Variants in DCLK1 observed in about 807,000 individuals in gnomAD.
DCLK1 encodes doublecortin like kinase 1.
In DCLK1, 16 loss-of-function variants were observed where a neutral mutation model predicts 86.2. The ratio of observed to expected loss-of-function variants is 0.19; its 90% CI spans 0.13 to 0.28. DCLK1 has a LOEUF of 0.28. Ranked by LOEUF, DCLK1 falls within the 10% of genes least tolerant of loss-of-function variation. DCLK1 has a pLI of 1.00. For synonymous variants in DCLK1, 369 were observed against 370.5 expected, an observed-to-expected ratio of 1.00 and a Z score of 0.05; for missense variants, 590 against 940.2, an observed-to-expected ratio of 0.63 and a Z score of 4.87.
At position 35,901,560 on chromosome 13, in the gene DCLK1, G is replaced by A. The variant is rs138248545; in HGVS notation, c.824-30220C>T. Among the ~76,000 whole-genome samples the A allele has an allele frequency of 7.1e-4, 108 of 151,276 alleles. 2 individuals are homozygous for A. The East Asian group carries it at 0.019, about 27-fold the overall frequency. ...TGGAGGTGGGGTGGCCTTGCGGGGA[G>A]GAAATAGGGTAGAACTTTAGAAGAC... On this transcript the variant is annotated intron_variant, in intron 4 of 16. Transcript: ENST00000360631.
chr13:35,932,359 C>A (rs1876496934), intron 4 of DCLK1, among the ~76,000 whole-genome samples: 1 of 152,150 alleles, frequency 6.6e-6, no homozygotes, highest in Non-Finnish European at 1.5e-5. Context: ...GGTTGTGGGA[C>A]TTCTCAGCCT....
At chr13:36,042,842 C>G (rs1882742370) in intron 3 of DCLK1, among the ~76,000 whole-genome samples, 1 of 152,148 alleles carries the variant, frequency 6.6e-6, no homozygotes, top group Admixed American at 6.6e-5. Flanking sequence ...TGTTCTGTTC[C>G]ATTTTAATAA....
chr13:35,896,337 G>A (rs972631177), intron 4 of DCLK1, among the ~76,000 whole-genome samples: 3 of 151,870 alleles, frequency 2.0e-5, no homozygotes, highest in Admixed American at 6.6e-5. Context: ...TCAGGAGTTC[G>A]AGACCAGCCT....
chr13:35,985,456 G>A (rs1416396769), intron 3 of DCLK1, among the ~76,000 whole-genome samples: 1 of 152,178 alleles, frequency 6.6e-6, no homozygotes, highest in Admixed American at 6.5e-5. Flanking sequence ...AATGATCAAT[G>A]AAATGCAATT....
intron 3 of DCLK1, among the ~76,000 whole-genome samples, chr13:36,106,996 T>A (rs1885419418): frequency 6.6e-6 from 1 of 152,160 alleles, no homozygotes; most frequent in African/African-American, 2.4e-5. Flanking sequence ...ATTAATAGAT[T>A]CCTATTAATC....
At chr13:35,988,741 G>C (rs183983447) in intron 3 of DCLK1, among the ~76,000 whole-genome samples, 60 of 152,300 alleles carry the variant, frequency 3.9e-4, no homozygotes, top group Non-Finnish European at 3.7e-4. Context: ...TTGACAAATA[G>C]CAGTTTCCAT....
intron 3 of DCLK1, among the ~76,000 whole-genome samples, chr13:35,982,600 AC>A (rs1879714195): frequency 6.6e-6 from 1 of 152,242 alleles, no homozygotes; most frequent in East Asian, 1.9e-4. Flanking sequence ...ACAAAGCAAA[AC>A]AAAAATTACT....
At chr13:35,825,132 C>T (rs993441062) in intron 10 of DCLK1, among the ~76,000 whole-genome samples, 2 of 152,176 alleles carry the variant, frequency 1.3e-5, no homozygotes, top group African/African-American at 2.4e-5. Context: ...CACTGCCGTC[C>T]GGAACATGAG....
At chr13:35,818,355 C>T (rs534345661) in intron 11 of DCLK1, among the ~76,000 whole-genome samples, 1 of 152,246 alleles carries the variant, frequency 6.6e-6, no homozygotes, top group East Asian at 1.9e-4. Flanking sequence ...AACCTGTCAT[C>T]GTCATTTGGG....
At chr13:36,013,948 C>G (rs1224351254) in intron 3 of DCLK1, among the ~76,000 whole-genome samples, 1 of 152,174 alleles carries the variant, frequency 6.6e-6, no homozygotes, top group Non-Finnish European at 1.5e-5. Flanking sequence ...TTTTTTAAGC[C>G]GGTCTGAAAA....
At chr13:36,115,567 T>G (rs967656378) in intron 2 of DCLK1, among the ~76,000 whole-genome samples, 63 of 152,196 alleles carry the variant, frequency 4.1e-4, no homozygotes, top group African/African-American at 1.4e-3. Context: ...GCCCTAAGGA[T>G]TCTATGATAA....
intron 3 of DCLK1, among the ~76,000 whole-genome samples, chr13:35,987,352 C>A (rs1879972543): frequency 6.6e-6 from 1 of 152,092 alleles, no homozygotes; most frequent in Non-Finnish European, 1.5e-5. Context: ...TGAACCCTGA[C>A]CCCCTTTTTA....
intron 4 of DCLK1, among the ~76,000 whole-genome samples, chr13:35,940,327 C>T (rs750001113): frequency 1.3e-4 from 19 of 150,848 alleles, no homozygotes; most frequent in Non-Finnish European, 2.8e-4. Flanking sequence ...TGAAGGGTCA[C>T]ATCTGACCTA....
intron 3 of DCLK1, among the ~76,000 whole-genome samples, chr13:35,965,417 C>G (rs1351781584): frequency 1.3e-5 from 2 of 152,190 alleles, no homozygotes; most frequent in African/African-American, 4.8e-5. Flanking sequence ...AGCTTTTGTA[C>G]TGCGTGCATG....
At chr13:35,946,274 G>C (rs1234036075) in intron 4 of DCLK1, among the ~76,000 whole-genome samples, 1 of 152,130 alleles carries the variant, frequency 6.6e-6, no homozygotes. Flanking sequence ...AAAGTGCTGG[G>C]GTTACAGGTG....
chr13:36,004,837 C>T (rs1021462409), intron 3 of DCLK1, among the ~76,000 whole-genome samples: 1 of 152,184 alleles, frequency 6.6e-6, no homozygotes, highest in African/African-American at 2.4e-5. Context: ...CTCGGCCTCC[C>T]AAAGTGCTGG....
chr13:35,891,584 C>A (rs1413866921), intron 4 of DCLK1, among the ~76,000 whole-genome samples: 1 of 152,132 alleles, frequency 6.6e-6, no homozygotes, highest in Non-Finnish European at 1.5e-5. Context: ...TAAAAACCAT[C>A]GAATCGTACA....
chr13:35,969,312 T>C (rs562050785), intron 3 of DCLK1, among the ~76,000 whole-genome samples: 4 of 152,200 alleles, frequency 2.6e-5, no homozygotes, highest in South Asian at 2.1e-4. Context: ...CCTAGATTAA[T>C]AGGTTGGCCC....
rs759494656 is a variant in DCLK1 at position 35,883,860 on chromosome 13, C to T, written c.824-12520G>A. ...CATATGCTCCTTGTGTATGTACTGACGAGTGAGTCCTGCTGACAGCCTTGC... is the reference window on the plus strand; with the variant it reads ...CATATGCTCCTTGTGTATGTACTGATGAGTGAGTCCTGCTGACAGCCTTGC... On this transcript the variant is annotated intron_variant, in intron 4 of 16. Coordinates refer to ENST00000360631, the MANE Select transcript of DCLK1 (RefSeq NM_001330071.2). 5.3e-5 allele frequency among the ~76,000 whole-genome samples: 8 copies of T among 152,226 alleles called. No homozygotes were observed. The East Asian group carries it at 7.7e-4, about 15-fold the overall frequency.
Sources: allele counts gnomAD v4.1 joint callset (sites outside exome capture counted in the v4.1 genomes callset), GRCh38; gene constraint gnomAD v4.1.1; transcripts MANE v1.5; gene names NCBI Gene and HGNC (gene_info 2026-07-23, HGNC 2026-07-21).